Variants in RNF6 observed in about 807,000 individuals in gnomAD.
The protein encoded by RNF6 is ring finger protein 6, also known as E3 ubiquitin-protein ligase RNF6.
In RNF6, 21 loss-of-function variants were observed where a neutral mutation model predicts 50.1. That is an observed-to-expected ratio of 0.42 (90% CI 0.30 to 0.60). The LOEUF is 0.60. Ranked by LOEUF, RNF6 falls within the 20% of genes least tolerant of loss-of-function variation. The pLI, the probability that RNF6 is intolerant of heterozygous loss-of-function variation, is 0.20. For synonymous variants in RNF6, 255 were observed against 291.8 expected (o/e 0.87, Z 1.29); for missense variants, 698 against 838.2 (o/e 0.83, Z 2.07).
intron 2 of RNF6, among the ~76,000 whole-genome samples, chr13:26,221,033 T>G (rs943112494): frequency 1.3e-5 from 2 of 152,182 alleles, no homozygotes; most frequent in East Asian, 3.8e-4. Flanking sequence ...GAATTAACAC[T>G]ACTAAAAACT....
At chr13:26,148,632 T>TCTCTCTCTCTCTC (rs1427060316) in intron 5 of RNF6, among the ~76,000 whole-genome samples, 5 of 47,068 alleles carry the variant, frequency 1.1e-4, no homozygotes, top group African/African-American at 5.3e-4. Context: ...ATAAATCTCT[T>TCTCTCTCTCTCTC]TATATATATA....
chr13:26,211,896 T>C (rs1328588637), downstream of RNF6, among the ~76,000 whole-genome samples: 1 of 152,198 alleles, frequency 6.6e-6, no homozygotes, highest in East Asian at 1.9e-4. Flanking sequence ...TGTAACTAAT[T>C]TGTGCTACCT....
At chr13:26,161,974 C>A (rs887828812) in intron 5 of RNF6, among the ~76,000 whole-genome samples, 1 of 152,146 alleles carries the variant, frequency 6.6e-6, no homozygotes, top group Non-Finnish European at 1.5e-5. Context: ...GCAATTTAAA[C>A]CTTTTGTCTA....
chr13:26,200,645 TCCAC>T, intron 5 of RNF6, among the ~76,000 whole-genome samples: 1 of 152,302 alleles, frequency 6.6e-6, no homozygotes, highest in East Asian at 1.9e-4. Flanking sequence ...CCTCAAGTGA[TCCAC>T]CTGCCTTGGC....
At chr13:26,174,248 A>G (rs1872843651) in intron 5 of RNF6, among the ~76,000 whole-genome samples, 2 of 152,128 alleles carry the variant, frequency 1.3e-5, no homozygotes, top group Non-Finnish European at 2.9e-5. Flanking sequence ...CGAGGGCAAG[A>G]GTCTGGAATG....
chr13:26,139,091 T>C (rs183196303), intron 5 of RNF6, among the ~76,000 whole-genome samples: 2 of 152,268 alleles, frequency 1.3e-5, no homozygotes, highest in Non-Finnish European at 2.9e-5. Flanking sequence ...AGATTGTCTT[T>C]CCCAGGGCTA....
chr13:26,191,398 G>A (rs1198391234), intron 5 of RNF6, among the ~76,000 whole-genome samples: 1 of 152,086 alleles, frequency 6.6e-6, no homozygotes, highest in Non-Finnish European at 1.5e-5. Context: ...GTGCAGAGTG[G>A]CGGTCAATTA....
intron 5 of RNF6, among the ~76,000 whole-genome samples, chr13:26,157,280 T>A (rs1383885720): frequency 6.6e-6 from 1 of 152,094 alleles, no homozygotes; most frequent in Non-Finnish European, 1.5e-5. Context: ...TTAAAAATTT[T>A]AAAAAATGAA....
At chr13:26,211,369 A>G (rs1005586907), downstream of RNF6, among the ~76,000 whole-genome samples, 1 of 152,136 alleles carries the variant, frequency 6.6e-6, no homozygotes, top group African/African-American at 2.4e-5. Context: ...TTTTTTCTGT[A>G]TCCTTACTTT....
chr13:26,144,260 G>A (rs1392759153), intron 5 of RNF6, among the ~76,000 whole-genome samples: 2 of 152,006 alleles, frequency 1.3e-5, no homozygotes, highest in African/African-American at 2.4e-5. Flanking sequence ...CAACAATAAG[G>A]GTGGCTGGGA....
At chr13:26,210,824 A>C (rs1399123885), downstream of RNF6, among the ~76,000 whole-genome samples, 1 of 152,230 alleles carries the variant, frequency 6.6e-6, no homozygotes, top group African/African-American at 2.4e-5. Flanking sequence ...AAAGGAAAAT[A>C]ACCTCGTAAG....
At chr13:26,186,541 C>T (rs61109483) in intron 5 of RNF6, among the ~76,000 whole-genome samples, 3,066 of 152,304 alleles carry the variant, frequency 0.02, 107 homozygotes, top group African/African-American at 0.068. Context: ...CACACATGCA[C>T]GTGCACGAGC....
At chr13:26,208,844 G>A (rs1566434438), downstream of RNF6, among the ~76,000 whole-genome samples, 2 of 152,180 alleles carry the variant, frequency 1.3e-5, no homozygotes, top group Non-Finnish European at 2.9e-5. Flanking sequence ...TGCAATGAAA[G>A]GACAAGGGTG....
chr13:26,215,123 A>AG lies in RNF6; in HGVS notation c.758dup (p.Asn254Ter). The AG allele has an allele frequency of 1.2e-6, 2 of 1,614,202 alleles. No individual in the cohort carries two copies. On this transcript the variant is annotated frameshift_variant, in exon 5 of 5. Transcript: ENST00000381588. LOFTEE classifies it high-confidence loss of function. Reference sequence around the variant, plus strand: ...ATTGGTTTGTGTGACTACTGAAATTAGTGCGTGAAGCGTTAGCTCGAGGAA... The same window carrying AG: ...ATTGGTTTGTGTGACTACTGAAATTAGGTGCGTGAAGCGTTAGCTCGAGGAA...
chr13:26,199,398 T>C (rs1490331747), intron 5 of RNF6, among the ~76,000 whole-genome samples: 2 of 152,050 alleles, frequency 1.3e-5, no homozygotes, highest in East Asian at 3.8e-4. Context: ...TAGATATAAA[T>C]GTAAAAGCTA....
intron 5 of RNF6, among the ~76,000 whole-genome samples, chr13:26,198,072 T>C (rs1243360948): frequency 6.6e-6 from 1 of 151,718 alleles, no homozygotes; most frequent in Non-Finnish European, 1.5e-5. Flanking sequence ...CATACATATG[T>C]ATATATGTGA....
chr13:26,189,795 C>T (rs1593177561), intron 5 of RNF6, among the ~76,000 whole-genome samples: 1 of 152,212 alleles, frequency 6.6e-6, no homozygotes, highest in East Asian at 1.9e-4. Flanking sequence ...ACTCTCTGCT[C>T]AATTTTGCTG....
intron 5 of RNF6, among the ~76,000 whole-genome samples, chr13:26,164,511 T>A (rs887952845): frequency 6.6e-6 from 1 of 152,234 alleles, no homozygotes; most frequent in Non-Finnish European, 1.5e-5. Flanking sequence ...TTTCTAAGAC[T>A]TATTTGTTCC....
intron 5 of RNF6, among the ~76,000 whole-genome samples, chr13:26,149,976 TATA>T (rs1871490346): frequency 1.5e-5 from 2 of 129,716 alleles, no homozygotes; most frequent in African/African-American, 6.2e-5. Flanking sequence ...ACAGTGTATA[TATA>T]ATGTGTATAT....
Sources: gnomAD v4.1 joint callset for allele counts (sites outside exome capture counted in the v4.1 genomes callset) on GRCh38, gnomAD v4.1.1 for gene constraint, MANE v1.5 for transcripts, NCBI Gene and HGNC (gene_info 2026-07-23, HGNC 2026-07-21) for gene names.